Variants in PLD5 observed in about 807,000 individuals in gnomAD.
PLD5 encodes phospholipase D family member 5.
In PLD5, 36 loss-of-function variants were observed where a neutral mutation model predicts 61.1. The observed-to-expected ratio is 0.59, with a 90% CI of 0.45 to 0.78. The LOEUF (loss-of-function observed/expected upper bound fraction) is 0.78, where lower values mean the gene tolerates loss of function less well. Among genes scored for constraint, PLD5 ranks in the 30% least tolerant of loss-of-function variants. PLD5 has a pLI of 0.00. For missense variants in PLD5, 515 were observed against 644.4 expected (o/e 0.80, Z 2.17); for synonymous variants, 243 against 242.8 (o/e 1.00, Z -0.01).
At chr1:242,116,993 C>T (rs1233269630) in intron 6 of PLD5, among the ~76,000 whole-genome samples, 4 of 152,196 alleles carry the variant, frequency 2.6e-5, no homozygotes, top group African/African-American at 9.7e-5. Context: ...CTCTTGATCA[C>T]TCAGTAAGTT....
chr1:242,423,664 C>T (rs922953121), intron 1 of PLD5, among the ~76,000 whole-genome samples: 1 of 152,068 alleles, frequency 6.6e-6, no homozygotes, highest in Non-Finnish European at 1.5e-5. Flanking sequence ...TAAACAAACC[C>T]ATCAGCCATC....
chr1:242,433,113 A>C (rs1665805605), intron 1 of PLD5, among the ~76,000 whole-genome samples: 1 of 152,240 alleles, frequency 6.6e-6, no homozygotes, highest in Non-Finnish European at 1.5e-5. Flanking sequence ...GAGAGCCTGT[A>C]TTCTGCAGGA....
At chr1:242,171,810 T>C (rs1469205437) in intron 5 of PLD5, among the ~76,000 whole-genome samples, 2 of 151,706 alleles carry the variant, frequency 1.3e-5, no homozygotes, top group East Asian at 1.9e-4. Flanking sequence ...GGGCATTACA[T>C]AGTGGTAAAG....
At chr1:242,213,325 A>G (rs1308035684) in intron 5 of PLD5, among the ~76,000 whole-genome samples, 1 of 152,200 alleles carries the variant, frequency 6.6e-6, no homozygotes, top group Admixed American at 6.5e-5. Flanking sequence ...GCTCCCCAGT[A>G]GAAAAGAATT....
At chr1:242,254,093 G>A (rs1400844510) in intron 4 of PLD5, among the ~76,000 whole-genome samples, 5 of 152,084 alleles carry the variant, frequency 3.3e-5, no homozygotes, top group Non-Finnish European at 7.4e-5. Flanking sequence ...GATTAAAACC[G>A]GGGCTTTTCT....
intron 4 of PLD5, among the ~76,000 whole-genome samples, chr1:242,261,975 T>C (rs747310487): frequency 7.2e-5 from 11 of 152,164 alleles, no homozygotes; most frequent in Non-Finnish European, 1.6e-4. Context: ...CAATCCTAAG[T>C]TCATACTGAA....
At chr1:242,329,199 C>T (rs1326762928) in intron 2 of PLD5, among the ~76,000 whole-genome samples, 4 of 151,882 alleles carry the variant, frequency 2.6e-5, no homozygotes, top group African/African-American at 4.8e-5. Context: ...TTAGTAGAGA[C>T]GGGTTTCACC....
At chr1:242,483,568 A>G (rs1667857109) in intron 1 of PLD5, among the ~76,000 whole-genome samples, 1 of 152,206 alleles carries the variant, frequency 6.6e-6, no homozygotes, top group African/African-American at 2.4e-5. Context: ...GCAAGTCCTT[A>G]GAGACCTACA....
intron 4 of PLD5, among the ~76,000 whole-genome samples, chr1:242,259,471 T>C (rs1462427699): frequency 6.6e-6 from 1 of 152,206 alleles, no homozygotes; most frequent in Non-Finnish European, 1.5e-5. Context: ...GAAATCACAA[T>C]TAGCTTTCAG....
intron 1 of PLD5, among the ~76,000 whole-genome samples, chr1:242,357,491 T>C (rs1300821171): frequency 2.0e-5 from 3 of 148,866 alleles, no homozygotes; most frequent in Non-Finnish European, 4.5e-5. Context: ...CATTTTTTCT[T>C]TTTTTTTTTT....
chr1:242,239,555 T>C (rs1198826963), intron 4 of PLD5, among the ~76,000 whole-genome samples: 1 of 152,192 alleles, frequency 6.6e-6, no homozygotes, highest in African/African-American at 2.4e-5. Flanking sequence ...ATTAACATGA[T>C]TACACAAGAC....
intron 5 of PLD5, among the ~76,000 whole-genome samples, chr1:242,209,550 A>C (rs1317095689): frequency 1.3e-5 from 2 of 152,136 alleles, no homozygotes; most frequent in African/African-American, 2.4e-5. Context: ...GTGATCTGTG[A>C]TCAGTTATCT....
At chr1:242,173,103 G>C (rs1278276634) in intron 5 of PLD5, among the ~76,000 whole-genome samples, 1 of 152,100 alleles carries the variant, frequency 6.6e-6, no homozygotes, top group Non-Finnish European at 1.5e-5. Flanking sequence ...AGGAAAAGAG[G>C]AAGTCAAATT....
chr1:242,159,275 G>C (rs1383792399), intron 5 of PLD5, among the ~76,000 whole-genome samples: 1 of 152,154 alleles, frequency 6.6e-6, no homozygotes, highest in Non-Finnish European at 1.5e-5. Flanking sequence ...TTTGGGATTT[G>C]TTGCTGCTGT....
intron 5 of PLD5, among the ~76,000 whole-genome samples, chr1:242,214,715 C>A (rs1272863810): frequency 1.3e-5 from 2 of 152,088 alleles, no homozygotes; most frequent in East Asian, 1.9e-4. Context: ...CAGGTGTTAA[C>A]CCTAGAGGAT....
rs558134608 is a variant in PLD5, at chr1:242,299,466, GC to G, written c.327-10937del. Among the ~76,000 whole-genome samples, 574 of 152,342 alleles carry G rather than the reference GC, an allele frequency of 3.8e-3. 3 individuals are homozygous for G. The highest frequency in any genetic ancestry group is 0.012 in the African/African-American group (513 of 41,564). On this transcript the variant is annotated intron_variant, in intron 2 of 9. Transcript: ENST00000536534. ...GAGACACAAGGAACTTAAGTAACTTGCCCAGGGGCACACAGCTAGTGAGTGA... is the reference window on the plus strand; with the variant it reads ...GAGACACAAGGAACTTAAGTAACTTGCCAGGGGCACACAGCTAGTGAGTGA...
chr1:242,248,182 G>A (rs1370583654), intron 4 of PLD5, among the ~76,000 whole-genome samples: 1 of 152,194 alleles, frequency 6.6e-6, no homozygotes, highest in Non-Finnish European at 1.5e-5. Context: ...TTTTATCTGA[G>A]GAAGGCAAGT....
intron 4 of PLD5, among the ~76,000 whole-genome samples, chr1:242,249,131 A>T (rs1045899811): frequency 1.3e-5 from 2 of 152,182 alleles, no homozygotes; most frequent in Non-Finnish European, 2.9e-5. Flanking sequence ...AAAACTAAAC[A>T]TAACTAAATG....
intron 4 of PLD5, among the ~76,000 whole-genome samples, chr1:242,231,733 A>G (rs888161445): frequency 1.4e-4 from 22 of 152,226 alleles, no homozygotes; most frequent in African/African-American, 4.1e-4. Flanking sequence ...CAATAATTCA[A>G]TAGAGGAGAT....
Sources: allele counts gnomAD v4.1 joint callset (sites outside exome capture counted in the v4.1 genomes callset), GRCh38; gene constraint gnomAD v4.1.1; transcripts MANE v1.5; gene names NCBI Gene and HGNC (gene_info 2026-07-23, HGNC 2026-07-21).